Variants in SH3GL2 observed in about 807,000 individuals in gnomAD.
The protein encoded by SH3GL2 is SH3 domain containing GRB2 like 2, endophilin A1.
SH3GL2 carries 24 observed loss-of-function variants against 46.0 expected under a neutral mutation model. The ratio of observed to expected loss-of-function variants is 0.52; its 90% CI spans 0.38 to 0.73. The LOEUF (loss-of-function observed/expected upper bound fraction) is 0.73, where lower values mean the gene tolerates loss of function less well. Ranked by LOEUF, SH3GL2 falls within the 30% of genes least tolerant of loss-of-function variation. The probability of loss-of-function intolerance (pLI) is 0.00; values close to 1 mark genes in which losing one functional copy is unlikely to be tolerated. For synonymous variants in SH3GL2, 196 were observed against 147.1 expected, an observed-to-expected ratio of 1.33 and a Z score of -2.40; for missense variants, 413 against 424.2, an observed-to-expected ratio of 0.97 and a Z score of 0.23.
chr9:17,580,164 C>T (rs1201065538), intron 1 of SH3GL2, among the ~76,000 whole-genome samples: 1 of 152,176 alleles, frequency 6.6e-6, no homozygotes, highest in South Asian at 2.1e-4. Context: ...CTATTTCTTA[C>T]ATAATGTGTG....
chr9:17,713,173 G>A (rs765830558), intron 1 of SH3GL2, among the ~76,000 whole-genome samples: 6 of 150,640 alleles, frequency 4.0e-5, no homozygotes, highest in Non-Finnish European at 8.9e-5. Flanking sequence ...GTTGATTGAT[G>A]TTTTGAGTGT....
At chr9:17,624,204 C>G (rs1819224514) in intron 1 of SH3GL2, among the ~76,000 whole-genome samples, 1 of 152,178 alleles carries the variant, frequency 6.6e-6, no homozygotes, top group East Asian at 1.9e-4. Context: ...GCCAGGATGT[C>G]CAACCTGCAG....
At chr9:17,587,583 T>G (rs1563772657) in intron 1 of SH3GL2, among the ~76,000 whole-genome samples, 1 of 152,134 alleles carries the variant, frequency 6.6e-6, no homozygotes, top group Non-Finnish European at 1.5e-5. Context: ...CTTCATAAAC[T>G]TAGTAGGCTT....
intron 1 of SH3GL2, among the ~76,000 whole-genome samples, chr9:17,733,701 C>T (rs946750139): frequency 2.0e-5 from 3 of 152,020 alleles, no homozygotes; most frequent in Non-Finnish European, 4.4e-5. Flanking sequence ...TTCACAATAG[C>T]AAAGACTTGG....
intron 1 of SH3GL2, among the ~76,000 whole-genome samples, chr9:17,727,783 T>C (rs1822060738): frequency 6.6e-6 from 1 of 152,158 alleles, no homozygotes; most frequent in African/African-American, 2.4e-5. Flanking sequence ...CCTAACTTGG[T>C]GACCGGCTCC....
chr9:17,585,921 G>A (rs7047709), intron 1 of SH3GL2, among the ~76,000 whole-genome samples: 94,280 of 151,982 alleles, frequency 0.62, 29,552 homozygotes, highest in Non-Finnish European at 0.66. Context: ...CAGTGTTTTT[G>A]GTTTAGAATT....
chr9:17,599,458 C>A (rs1044916949), intron 1 of SH3GL2, among the ~76,000 whole-genome samples: 1 of 152,206 alleles, frequency 6.6e-6, no homozygotes, highest in African/African-American at 2.4e-5. Flanking sequence ...TTTCTGGGAT[C>A]CAGTTAGGCA....
intron 1 of SH3GL2, among the ~76,000 whole-genome samples, chr9:17,701,200 C>T (rs1301020495): frequency 1.3e-5 from 2 of 152,206 alleles, no homozygotes; most frequent in Admixed American, 6.5e-5. Context: ...AATCAGTACG[C>T]AGAACCTTCC....
chr9:17,581,920 A>T (rs1818283763), intron 1 of SH3GL2, among the ~76,000 whole-genome samples: 1 of 152,170 alleles, frequency 6.6e-6, no homozygotes, highest in Non-Finnish European at 1.5e-5. Context: ...GCTGGTCTCG[A>T]ACTCCTGACC....
At position 17,750,398 on chromosome 9, in the gene SH3GL2, T is replaced by C. The variant is rs73414657; in HGVS notation, c.114+3264T>C. Among the ~76,000 whole-genome samples the C allele has an allele frequency of 6.6e-3, 996 of 151,976 alleles. 12 individuals are homozygous for C. The highest frequency in any genetic ancestry group is 0.023 in the African/African-American group (948 of 41,424). ...AGAGAGAAGTGGGTTTTCCTAGGGG[T>C]GTTTCTCTAATCAGCCGCCCCAGCC... On this transcript the variant is annotated intron_variant, in intron 2 of 8. Transcript: ENST00000380607.
At chr9:17,746,628 G>A (rs934965396) in intron 1 of SH3GL2, among the ~76,000 whole-genome samples, 1 of 152,134 alleles carries the variant, frequency 6.6e-6, no homozygotes, top group African/African-American at 2.4e-5. Context: ...TTTGATAGAT[G>A]TTTGTGATTA....
At chr9:17,743,967 C>A (rs921495067) in intron 1 of SH3GL2, among the ~76,000 whole-genome samples, 7 of 152,174 alleles carry the variant, frequency 4.6e-5, no homozygotes, top group Non-Finnish European at 8.8e-5. Context: ...TCACAGGTCA[C>A]AGGTCACATG....
intron 1 of SH3GL2, among the ~76,000 whole-genome samples, chr9:17,605,233 C>A (rs1037126927): frequency 3.9e-5 from 6 of 152,166 alleles, no homozygotes; most frequent in Admixed American, 3.3e-4. Flanking sequence ...CTTGTCTTGG[C>A]CTCCCAAACT....
intron 1 of SH3GL2, among the ~76,000 whole-genome samples, chr9:17,732,061 C>A (rs1299314721): frequency 1.3e-5 from 2 of 152,144 alleles, no homozygotes; most frequent in Non-Finnish European, 2.9e-5. Context: ...TGTGTCTGAT[C>A]ATGACTGTTT....
rs1013985746 is a variant in SH3GL2 at position 17,782,437 on chromosome 9, G to T, written c.188-3944G>T. ...TTCCTAAGGGAAGATTGGAGTGAAT[G>T]ATGGTAAACCATATAGCTTTTTAGC... On this transcript the variant is annotated intron_variant, in intron 3 of 8. Transcript: ENST00000380607. 2.0e-5 allele frequency among the ~76,000 whole-genome samples: 3 copies of T among 152,194 alleles called. No homozygotes were observed. In the East Asian group the frequency reaches 5.8e-4, roughly 29 times the overall value.
intron 1 of SH3GL2, among the ~76,000 whole-genome samples, chr9:17,586,015 G>A (rs1396095849): frequency 6.6e-6 from 1 of 152,188 alleles, no homozygotes; most frequent in Non-Finnish European, 1.5e-5. Flanking sequence ...ACTAAAGAGA[G>A]CTATAACTAT....
At chr9:17,619,599 A>G (rs1588178271) in intron 1 of SH3GL2, among the ~76,000 whole-genome samples, 1 of 151,852 alleles carries the variant, frequency 6.6e-6, no homozygotes, top group Non-Finnish European at 1.5e-5. Context: ...ATTCGTTTGA[A>G]CCCGGGAGGC....
intron 1 of SH3GL2, among the ~76,000 whole-genome samples, chr9:17,733,909 G>C: frequency 6.6e-6 from 1 of 151,940 alleles, no homozygotes; most frequent in East Asian, 2.0e-4. Flanking sequence ...CTGATAGGTG[G>C]GAATTGAACA....
intron 6 of SH3GL2, chr9:17,790,508 TC>T (rs534052597): frequency 2.7e-5 from 16 of 583,852 alleles, no homozygotes; most frequent in Non-Finnish European, 3.5e-5. Flanking sequence ...TCCACCTAAC[TC>T]CTCGAGAGGA....
Sources: allele counts gnomAD v4.1 joint callset (sites outside exome capture counted in the v4.1 genomes callset), GRCh38; gene constraint gnomAD v4.1.1; transcripts MANE v1.5; gene names NCBI Gene and HGNC (gene_info 2026-07-23, HGNC 2026-07-21).